The following GLDC variants were observed in gnomAD, a reference collection of about 807,000 sequenced individuals.
The protein encoded by GLDC is glycine decarboxylase.
A neutral mutation model predicts 121.3 loss-of-function variants in GLDC; 104 were observed. That is an observed-to-expected ratio of 0.86 (90% CI 0.73 to 1.01). GLDC has a LOEUF of 1.01. GLDC is among the 50% of genes least tolerant of loss of function. The pLI is 0.00. For synonymous variants in GLDC, 546 were observed against 480.6 expected (o/e 1.14, Z -1.78); for missense variants, 1,429 against 1,306.6 (o/e 1.09, Z -1.44).
At chr9:6,577,739 G>A (rs77780233) in intron 15 of GLDC, among the ~76,000 whole-genome samples, 7,894 of 151,808 alleles carry the variant, frequency 0.052, 427 homozygotes, top group African/African-American at 0.14. Flanking sequence ...AACATCTGTT[G>A]TACTAAATTT....
At chr9:6,634,570 C>A (rs906994329) in intron 2 of GLDC, among the ~76,000 whole-genome samples, 5 of 150,872 alleles carry the variant, frequency 3.3e-5, no homozygotes, top group African/African-American at 9.8e-5. Context: ...AAAAAAAAAA[C>A]CCGCCATGCT....
At chr9:6,617,447 C>T (rs1276225031) in intron 3 of GLDC, among the ~76,000 whole-genome samples, 15 of 151,960 alleles carry the variant, frequency 9.9e-5, no homozygotes, top group Admixed American at 7.9e-4. Context: ...TGCTGCAGCC[C>T]GTTCATGTAC....
intron 4 of GLDC, among the ~76,000 whole-genome samples, chr9:6,609,876 C>T (rs764852652): frequency 1.5e-4 from 23 of 152,184 alleles, no homozygotes; most frequent in Non-Finnish European, 2.4e-4. Context: ...GACCTGGCAC[C>T]GGCTCCCTGT....
At chr9:6,557,422 T>C (rs1204866164) in intron 17 of GLDC, among the ~76,000 whole-genome samples, 1 of 152,072 alleles carries the variant, frequency 6.6e-6, no homozygotes, top group African/African-American at 2.4e-5. Flanking sequence ...GGGGAAACCC[T>C]GTCTCTACTA....
At position 6,534,608 on chromosome 9, in the gene GLDC, C is replaced by T. The variant is rs1315846720; in HGVS notation, c.2919+100G>A. ...GACCCTTATTTCACAAGGTGCCCCACATATGGTTTCTGTAATCATGAGGCT... is the reference window on the plus strand; with the variant it reads ...GACCCTTATTTCACAAGGTGCCCCATATATGGTTTCTGTAATCATGAGGCT... On this transcript the variant is annotated intron_variant, in intron 24 of 24. Transcript: ENST00000321612. 7 of 724,734 alleles carry T rather than the reference C, an allele frequency of 9.7e-6. No individual in the cohort carries two copies. The African/African-American group carries it at 1.2e-4, about 13-fold the overall frequency. 44.9% of individuals were successfully genotyped at this position (724,734 alleles called of 1,614,324 possible). A position where few individuals can be genotyped will look rare whatever the true frequency, so the allele number is the denominator to read the frequency against.
intron 3 of GLDC, among the ~76,000 whole-genome samples, chr9:6,614,669 G>C (rs533229792): frequency 1.3e-5 from 2 of 151,948 alleles, no homozygotes; most frequent in Non-Finnish European, 2.9e-5. Context: ...GATAACAGGA[G>C]TGAGCCACTG....
intron 3 of GLDC, among the ~76,000 whole-genome samples, chr9:6,611,422 GGCAC>G (rs1260559671): frequency 1.3e-5 from 2 of 152,190 alleles, no homozygotes; most frequent in African/African-American, 4.8e-5. Context: ...CAGGCGTGGT[GGCAC>G]GTGCCTGTAG....
intron 17 of GLDC, chr9:6,558,147 C>T (rs1480612155): frequency 9.9e-6 from 3 of 302,122 alleles, no homozygotes; most frequent in South Asian, 1.3e-4. Flanking sequence ...CTGCATGATG[C>T]CAGGAATTCA....
At chr9:6,544,427 T>C (rs1374227541) in intron 21 of GLDC, among the ~76,000 whole-genome samples, 13 of 151,988 alleles carry the variant, frequency 8.6e-5, no homozygotes, top group Admixed American at 8.5e-4. Flanking sequence ...GCAGAAGACC[T>C]GAGGTCAAGA....
chr9:6,599,597 T>C (rs925799193), intron 8 of GLDC, among the ~76,000 whole-genome samples: 1 of 151,752 alleles, frequency 6.6e-6, no homozygotes, highest in African/African-American at 2.4e-5. Flanking sequence ...GGCAGGCGCC[T>C]GTAATCCCAG....
chr9:6,571,860 G>C (rs1817976061), intron 15 of GLDC, among the ~76,000 whole-genome samples: 2 of 152,116 alleles, frequency 1.3e-5, no homozygotes, highest in Admixed American at 6.6e-5. Context: ...ATCACACATA[G>C]ATCAATGGAA....
intron 22 of GLDC, among the ~76,000 whole-genome samples, chr9:6,536,600 T>C (rs1010735548): frequency 7.9e-5 from 12 of 152,210 alleles, no homozygotes; most frequent in Non-Finnish European, 2.9e-5. Context: ...AAAGTACTTA[T>C]ATGTGTATTT....
intron 14 of GLDC, among the ~76,000 whole-genome samples, chr9:6,587,856 C>T (rs4387027): frequency 0.54 from 81,253 of 151,462 alleles, 22,219 homozygotes; most frequent in Middle Eastern, 0.58. Context: ...TGATTTCTTT[C>T]GTCTGATATG....
At chr9:6,581,941 C>A (rs971873677) in intron 15 of GLDC, among the ~76,000 whole-genome samples, 2 of 152,048 alleles carry the variant, frequency 1.3e-5, no homozygotes. Context: ...ATAGGCTGGG[C>A]GTGGTGTTCC....
intron 20 of GLDC, among the ~76,000 whole-genome samples, chr9:6,551,401 G>T (rs1465296358): frequency 6.6e-6 from 1 of 152,138 alleles, no homozygotes; most frequent in Non-Finnish European, 1.5e-5. Flanking sequence ...TCTTGTCCTG[G>T]TAGTTAAGAG....
At chr9:6,640,654 A>G (rs140474344) in intron 2 of GLDC, among the ~76,000 whole-genome samples, 14 of 152,310 alleles carry the variant, frequency 9.2e-5, no homozygotes, top group Non-Finnish European at 1.8e-4. Flanking sequence ...TCTCTCTTCC[A>G]CAAGCAATGT....
At chr9:6,552,764 A>G (rs1021102382) in intron 20 of GLDC, among the ~76,000 whole-genome samples, 2 of 152,220 alleles carry the variant, frequency 1.3e-5, no homozygotes, top group African/African-American at 2.4e-5. Context: ...CAAGAACTGT[A>G]GAAAATCAAC....
At chr9:6,591,548 A>G (rs1818374584) in intron 11 of GLDC, among the ~76,000 whole-genome samples, 1 of 152,244 alleles carries the variant, frequency 6.6e-6, no homozygotes. Flanking sequence ...TAACCAAGAT[A>G]CAAATGTCTT....
chr9:6,635,224 A>C (rs1819476030), intron 2 of GLDC, among the ~76,000 whole-genome samples: 1 of 152,214 alleles, frequency 6.6e-6, no homozygotes, highest in African/African-American at 2.4e-5. Context: ...TTGTACACCA[A>C]GTGCCTGAAG....
Sources: gnomAD v4.1 joint callset for allele counts (sites outside exome capture counted in the v4.1 genomes callset) on GRCh38, gnomAD v4.1.1 for gene constraint, MANE v1.5 for transcripts, NCBI Gene and HGNC (gene_info 2026-07-23, HGNC 2026-07-21) for gene names.